MALRD1: variants seen among roughly 807,000 people sequenced by gnomAD.
The protein encoded by MALRD1 is MAM and LDL-receptor class A domain-containing protein 1.
Under a neutral mutation model 242.1 loss-of-function variants are expected in MALRD1, and 247 were observed. The observed-to-expected ratio is 1.02, with a 90% CI of 0.92 to 1.13. The LOEUF (loss-of-function observed/expected upper bound fraction) is 1.13, where lower values mean the gene tolerates loss of function less well. Ranked by LOEUF, MALRD1 falls within the 50% of genes most tolerant of loss-of-function variation. The pLI is 0.00. For missense variants in MALRD1, 2,989 were observed against 2,533.1 expected (o/e 1.18, Z -3.86); for synonymous variants, 995 against 866.6 (o/e 1.15, Z -2.60).
At chr10:19,382,688 C>G (rs1362417651) in intron 26 of MALRD1, among the ~76,000 whole-genome samples, 2 of 151,950 alleles carry the variant, frequency 1.3e-5, no homozygotes, top group Non-Finnish European at 2.9e-5. Context: ...ATTAATTTTC[C>G]TGGTCTGCTC....
intron 1 of MALRD1, among the ~76,000 whole-genome samples, chr10:19,065,296 A>AAAAAAAAAAAAT (rs1834940993): frequency 6.7e-6 from 1 of 150,202 alleles, no homozygotes; most frequent in African/African-American, 2.4e-5. Flanking sequence ...TCAAAAAAAA[A>AAAAAAAAAAAAT]AAAAAAAAAA....
At chr10:19,277,870 T>C (rs747483627) in intron 19 of MALRD1, among the ~76,000 whole-genome samples, 18 of 152,214 alleles carry the variant, frequency 1.2e-4, no homozygotes, top group Non-Finnish European at 2.1e-4. Flanking sequence ...TTTTGCTCTT[T>C]CCTTTAAACC....
intron 5 of MALRD1, among the ~76,000 whole-genome samples, chr10:19,112,808 C>T (rs1836725957): frequency 6.6e-6 from 1 of 152,170 alleles, no homozygotes; most frequent in African/African-American, 2.4e-5. Context: ...ATATTTGCTA[C>T]AGAAACTGAA....
At chr10:19,589,394 C>G (rs1299039307) in intron 33 of MALRD1, among the ~76,000 whole-genome samples, 2 of 152,268 alleles carry the variant, frequency 1.3e-5, no homozygotes, top group East Asian at 1.9e-4. Flanking sequence ...AACTTTATTG[C>G]TGGTACAGCC....
intron 14 of MALRD1, among the ~76,000 whole-genome samples, chr10:19,196,943 G>A (rs1246674972): frequency 6.6e-6 from 1 of 152,094 alleles, no homozygotes; most frequent in Non-Finnish European, 1.5e-5. Flanking sequence ...GAATTAGTCT[G>A]TTTTCACACT....
chr10:19,236,119 T>TA (rs913369091), intron 18 of MALRD1, among the ~76,000 whole-genome samples: 21 of 152,192 alleles, frequency 1.4e-4, no homozygotes, highest in African/African-American at 5.1e-4. Flanking sequence ...ATTTTATGAA[T>TA]AAAAAAAATT....
At chr10:19,718,013 T>A (rs1259470825) in intron 38 of MALRD1, among the ~76,000 whole-genome samples, 10 of 121,350 alleles carry the variant, frequency 8.2e-5, no homozygotes, top group African/African-American at 2.8e-4. Flanking sequence ...AATAAATAAA[T>A]AAATAAATAA....
chr10:19,091,453 TA>T (rs1835863172), intron 4 of MALRD1, among the ~76,000 whole-genome samples: 1 of 36,406 alleles, frequency 2.7e-5, no homozygotes, highest in Admixed American at 3.5e-4. Flanking sequence ...TATCATTTTT[TA>T]TTGTGTCTAT....
chr10:19,454,216 T>A (rs1835495301), intron 29 of MALRD1, among the ~76,000 whole-genome samples: 1 of 151,568 alleles, frequency 6.6e-6, no homozygotes, highest in Non-Finnish European at 1.5e-5. Flanking sequence ...TGAAAATACA[T>A]CCCTACAAAA....
chr10:19,425,640 G>T (rs1690251843), intron 28 of MALRD1, among the ~76,000 whole-genome samples: 1 of 152,154 alleles, frequency 6.6e-6, no homozygotes, highest in Admixed American at 6.5e-5. Context: ...CCTGTTCTCT[G>T]TTGCATTAAG....
chr10:19,404,577 T>TA (rs1847007801), intron 28 of MALRD1, among the ~76,000 whole-genome samples: 1 of 152,074 alleles, frequency 6.6e-6, no homozygotes, highest in African/African-American at 2.4e-5. Context: ...TTTATTAATG[T>TA]AAATATAGCC....
intron 28 of MALRD1, among the ~76,000 whole-genome samples, chr10:19,430,874 A>G (rs1834101135): frequency 6.6e-6 from 1 of 152,190 alleles, no homozygotes; most frequent in Non-Finnish European, 1.5e-5. Flanking sequence ...TATTATTTTA[A>G]CATTTTACCA....
intron 1 of MALRD1, among the ~76,000 whole-genome samples, chr10:19,061,502 A>G (rs1834821356): frequency 6.6e-6 from 1 of 152,140 alleles, no homozygotes; most frequent in African/African-American, 2.4e-5. Context: ...AATACCTGGG[A>G]AAAGAAGAAA....
At chr10:19,353,617 G>A (rs532885844) in intron 26 of MALRD1, among the ~76,000 whole-genome samples, 1 of 152,250 alleles carries the variant, frequency 6.6e-6, no homozygotes, top group East Asian at 1.9e-4. Context: ...ATAGTATAGA[G>A]GAAAGCAAAT....
chr10:19,488,122 G>A (rs1175743124), intron 29 of MALRD1, among the ~76,000 whole-genome samples: 1 of 152,092 alleles, frequency 6.6e-6, no homozygotes, highest in Admixed American at 6.5e-5. Context: ...TTTAATATAA[G>A]TCACTATGAA....
intron 36 of MALRD1, among the ~76,000 whole-genome samples, chr10:19,617,580 G>T (rs1839217280): frequency 6.6e-6 from 1 of 151,888 alleles, no homozygotes; most frequent in South Asian, 2.1e-4. Flanking sequence ...AGTAATATAT[G>T]TGGGTTGTCA....
rs138123150 is a variant in MALRD1, at chr10:19,707,114, TTCC to T, written c.6314+14568_6314+14570del. Among the ~76,000 whole-genome samples, 410 of 150,244 alleles carry T rather than the reference TTCC, an allele frequency of 2.7e-3. 11 individuals carry two copies. The East Asian group carries it at 0.052, about 19-fold the overall frequency. On this transcript the variant is annotated intron_variant, in intron 38 of 39. Coordinates refer to ENST00000454679, the MANE Select transcript of MALRD1 (RefSeq NM_001142308.3). ...TCCTCTTCCTCCCTTCTTCTTCCTT[TTCC>T]TCCTCCTTTCTTCTTCTTCCTTCTC...
chr10:19,219,416 A>G (rs1277100311), intron 18 of MALRD1, among the ~76,000 whole-genome samples: 1 of 152,120 alleles, frequency 6.6e-6, no homozygotes, highest in Non-Finnish European at 1.5e-5. Context: ...ATATGTGAAC[A>G]CAATATTTCC....
intron 19 of MALRD1, among the ~76,000 whole-genome samples, chr10:19,262,337 T>TA (rs1183478977): frequency 7.6e-6 from 1 of 132,432 alleles, no homozygotes; most frequent in Non-Finnish European, 1.6e-5. Context: ...CTCGTGTAGT[T>TA]ACCCCTCCTC....
Sources: allele counts gnomAD v4.1 joint callset (sites outside exome capture counted in the v4.1 genomes callset), GRCh38; gene constraint gnomAD v4.1.1; transcripts MANE v1.5; gene names NCBI Gene and HGNC (gene_info 2026-07-23, HGNC 2026-07-21).